Variants in TRIP11 observed in about 807,000 individuals in gnomAD.
TRIP11 encodes the protein thyroid hormone receptor interactor 11.
In TRIP11, 148 loss-of-function variants were observed where a neutral mutation model predicts 223.1. The observed-to-expected ratio is 0.66, with a 90% CI of 0.58 to 0.76. TRIP11 has a LOEUF of 0.76. Ranked by LOEUF, TRIP11 falls within the 30% of genes least tolerant of loss-of-function variation. The pLI is 0.00. For missense variants in TRIP11, 2,043 were observed against 2,222.0 expected, an observed-to-expected ratio of 0.92 and a Z score of 1.62; for synonymous variants, 762 against 772.6, an observed-to-expected ratio of 0.99 and a Z score of 0.23.
chr14:92,035,585 A>ATTTTTT (rs550426136), intron 1 of TRIP11, among the ~76,000 whole-genome samples: 1 of 137,992 alleles, frequency 7.2e-6, no homozygotes, highest in Admixed American at 7.3e-5. Context: ...TTATTTATTT[A>ATTTTTT]TTTTTTTTTT....
Position 91,978,253 on chromosome 14 carries a change from C to T in TRIP11, c.5261-2064G>A, listed in dbSNP as rs1383880856. On this transcript the variant is annotated intron_variant, in intron 16 of 20. Transcript: ENST00000267622. This position sits in a 1 kb window ranked among gnomAD's most constrained non-coding sequence, Gnocchi z 4.4. ...TCACTGTTTTGACTTAACCGTCCCACTCACAAACTAAAGTAGGAGACAGAG... is the reference window on the plus strand; with the variant it reads ...TCACTGTTTTGACTTAACCGTCCCATTCACAAACTAAAGTAGGAGACAGAG... 6.6e-6 allele frequency among the ~76,000 whole-genome samples: 1 copy of T among 152,114 alleles called. No homozygotes were observed. Among genetic ancestry groups the T allele is most frequent in the Non-Finnish European group, 1.5e-5 (1 of 68,012 alleles).
intron 15 of TRIP11, among the ~76,000 whole-genome samples, chr14:91,993,101 G>C (rs1233045091): frequency 6.7e-6 from 1 of 150,296 alleles, no homozygotes; most frequent in South Asian, 2.1e-4. Flanking sequence ...AAAAAAAAAA[G>C]ATTTAATGGG....
chr14:92,032,158 T>G (rs1423941938), intron 2 of TRIP11, among the ~76,000 whole-genome samples: 1 of 152,100 alleles, frequency 6.6e-6, no homozygotes. Flanking sequence ...ATCCTTTTTT[T>G]CTTTTTTTGG....
intron 8 of TRIP11, 66 bp from the exon 9 acceptor site, chr14:92,011,138 A>G (rs2056967177): frequency 7.3e-6 from 10 of 1,367,034 alleles, no homozygotes; most frequent in Admixed American, 3.4e-5. Flanking sequence ...AAAGCTGGCA[A>G]TCTATACAAT....
chr14:92,013,030 T>C (rs930459711), intron 7 of TRIP11, among the ~76,000 whole-genome samples: 1 of 152,190 alleles, frequency 6.6e-6, no homozygotes, highest in Non-Finnish European at 1.5e-5. Context: ...GCACTTTGGG[T>C]GGCCAAGGTG....
At chr14:91,997,390 G>A (rs1196313645) in intron 13 of TRIP11, among the ~76,000 whole-genome samples, 2 of 152,082 alleles carry the variant, frequency 1.3e-5, no homozygotes, top group Non-Finnish European at 2.9e-5. Flanking sequence ...TCATTGGGTG[G>A]GAGGCAGTAT....
At chr14:91,979,535 CAG>C (rs1319811697) in intron 16 of TRIP11, among the ~76,000 whole-genome samples, 2 of 152,062 alleles carry the variant, frequency 1.3e-5, no homozygotes, top group Non-Finnish European at 2.9e-5. Context: ...GCGAAAATGA[CAG>C]GGTTAAAATT....
intron 9 of TRIP11, among the ~76,000 whole-genome samples, chr14:92,009,896 T>C (rs929956048): frequency 6.6e-6 from 1 of 152,180 alleles, no homozygotes; most frequent in East Asian, 1.9e-4. Flanking sequence ...AGACTGCCTC[T>C]GGGAAAGAGG....
In TRIP11 at chr14:91,966,795, T is replaced by A. The variant is rs2056345597; in HGVS notation, c.*2878A>T. 1 of 216,308 alleles carries A rather than the reference T, an allele frequency of 4.6e-6. No individual in the cohort carries two copies. Among genetic ancestry groups the A allele is most frequent in the Admixed American group, 5.8e-5 (1 of 17,228 alleles). The allele number at this position is 216,308 out of a possible 1,614,324, so 13.4% of individuals were successfully genotyped here. Reference sequence around the variant, plus strand: ...GTTAGATGAATTTTCTACTACAGTATAGAGGTTGAAAACCATTAGGAATGT... The same window carrying A: ...GTTAGATGAATTTTCTACTACAGTAAAGAGGTTGAAAACCATTAGGAATGT... On this transcript the variant is annotated 3_prime_UTR_variant, in exon 21 of 21. Coordinates refer to ENST00000267622, the MANE Select transcript of TRIP11 (RefSeq NM_004239.4).
rs561420375 is a variant in TRIP11, at chr14:92,003,347, T to G, written c.4557+72A>C. On this transcript the variant is annotated intron_variant, in intron 11 of 20. Coordinates refer to ENST00000267622, the MANE Select transcript of TRIP11 (RefSeq NM_004239.4). ...TGCACAGTCCCCTTCAAAGACAATA[T>G]AAATGAAATAACATTAAAAAAAGTC... The G allele has an allele frequency of 9.2e-5, 145 of 1,570,738 alleles. 1 individual carries two copies. The South Asian group carries it at 1.5e-3, about 17-fold the overall frequency.
chr14:91,970,876 T>G (rs985665810), intron 20 of TRIP11, among the ~76,000 whole-genome samples: 1 of 152,184 alleles, frequency 6.6e-6, no homozygotes, highest in African/African-American at 2.4e-5. Flanking sequence ...CCCATCTGAA[T>G]AATGAAAGGC....
chr14:92,020,333 A>G (rs1029217159), intron 4 of TRIP11, among the ~76,000 whole-genome samples: 1 of 152,158 alleles, frequency 6.6e-6, no homozygotes, highest in African/African-American at 2.4e-5. Context: ...CATTTCGGAT[A>G]AGAGATATTC....
intron 1 of TRIP11, among the ~76,000 whole-genome samples, chr14:92,039,145 T>A (rs2057355635): frequency 6.6e-6 from 1 of 152,212 alleles, no homozygotes; most frequent in African/African-American, 2.4e-5. Flanking sequence ...TTATTTCAAC[T>A]GTTACAAAAA....
At chr14:91,990,714 C>A (rs758009421) in intron 15 of TRIP11, among the ~76,000 whole-genome samples, 1 of 152,162 alleles carries the variant, frequency 6.6e-6, no homozygotes, top group Non-Finnish European at 1.5e-5. Flanking sequence ...TAGAGGCTCA[C>A]GCCTGTAATT....
Position 92,021,762 on chromosome 14 carries a change from C to A in TRIP11, c.382G>T (p.Ala128Ser), listed in dbSNP as rs141553918. Residue 128 changes from alanine to serine, a missense_variant, in exon 4 of 21, where the codon GCT (alanine) becomes TCT (serine). Physicochemically the swap from Ala to Ser is moderately conservative, Grantham distance 99 (BLOSUM62 1). Coordinates refer to ENST00000267622, the MANE Select transcript of TRIP11 (RefSeq NM_004239.4). ...CCAGCTCCTGAAGGTACTGACTGAG[C>A]AGCTGACTGCAGTTTCAGCAACTGA... is the stretch of plus-strand genomic sequence containing the variant. ...QDQLLKLQSA[A>S]QSVPSGAGVP... The A allele has an allele frequency of 1.6e-3, 2,522 of 1,614,164 alleles. 4 individuals carry two copies. Among genetic ancestry groups the A allele is most frequent in the Non-Finnish European group, 2.0e-3 (2,346 of 1,180,032 alleles).
At chr14:92,022,253 G>T (rs74071815) in intron 3 of TRIP11, among the ~76,000 whole-genome samples, 1,997 of 152,290 alleles carry the variant, frequency 0.013, 29 homozygotes, top group African/African-American at 0.045. Flanking sequence ...CAAGGGTGTT[G>T]TGTAACTGAT....
At chr14:92,021,856 A>G (rs1284013494) in intron 3 of TRIP11, 25 bp from the exon 4 acceptor site, 4 of 1,609,866 alleles carry the variant, frequency 2.5e-6, no homozygotes, top group Admixed American at 1.7e-5. Context: ...TCCAAGTTTT[A>G]GAGAAGGTAC....
chr14:92,034,151 G>A lies in TRIP11; in HGVS notation c.140-898C>T, dbSNP rs560949600. 2.6e-5 allele frequency among the ~76,000 whole-genome samples: 4 copies of A among 152,140 alleles called. 1 individual carries two copies. Among genetic ancestry groups the A allele is most frequent in the Admixed American group, 2.0e-4 (3 of 15,260 alleles). The stretch of plus-strand genomic sequence containing the variant: ...AGAAAGGGAGCTGGAGGTCAGGTAC[G>A]GTGGCTCACCGCCTGTAATCCCAGC... On this transcript the variant is annotated intron_variant, in intron 1 of 20. Coordinates refer to ENST00000267622, the MANE Select transcript of TRIP11 (RefSeq NM_004239.4).
At chr14:92,018,112 T>TG (rs1203289659) in intron 4 of TRIP11, among the ~76,000 whole-genome samples, 4 of 151,418 alleles carry the variant, frequency 2.6e-5, no homozygotes, top group Non-Finnish European at 4.4e-5. Flanking sequence ...TTTTTTTTTT[T>TG]GAGACAGGGT....
Sources: allele counts gnomAD v4.1 joint callset (sites outside exome capture counted in the v4.1 genomes callset), GRCh38; gene constraint gnomAD v4.1.1; non-coding constraint Gnocchi (gnomAD v3.1); transcripts MANE v1.5; gene names NCBI Gene and HGNC (gene_info 2026-07-23, HGNC 2026-07-21).